Variants in FBXW4 observed in about 807,000 individuals in gnomAD.
The protein encoded by FBXW4 is F-box and WD repeat domain containing 4, also known as F-box/WD repeat-containing protein 4.
Under a neutral mutation model 61.8 loss-of-function variants are expected in FBXW4, and 40 were observed. That is an observed-to-expected ratio of 0.65 (90% CI 0.50 to 0.84). The LOEUF (loss-of-function observed/expected upper bound fraction) is 0.84, where lower values mean the gene tolerates loss of function less well. Ranked by LOEUF, FBXW4 falls within the 40% of genes least tolerant of loss-of-function variation. The pLI, the probability that FBXW4 is intolerant of heterozygous loss-of-function variation, is 0.00. For synonymous variants in FBXW4, 311 were observed against 313.8 expected (o/e 0.99, Z 0.10); for missense variants, 672 against 753.8 (o/e 0.89, Z 1.27).
At chr10:101,674,573 TAGGAAAGGA>T (rs775927111) in intron 2 of FBXW4, among the ~76,000 whole-genome samples, 46 of 152,218 alleles carry the variant, frequency 3.0e-4, no homozygotes, top group Non-Finnish European at 4.9e-4. Flanking sequence ...TGAAGCCATT[TAGGAAAGGA>T]TGCTAATGTA....
chr10:101,641,003 G>A (rs2064047882), intron 5 of FBXW4, among the ~76,000 whole-genome samples: 1 of 151,764 alleles, frequency 6.6e-6, no homozygotes, highest in Admixed American at 6.6e-5. Context: ...GCTAATTTTT[G>A]TATTTTTAGT....
chr10:101,689,810 G>A (rs183941896), intron 1 of FBXW4, among the ~76,000 whole-genome samples: 6 of 152,236 alleles, frequency 3.9e-5, no homozygotes, highest in East Asian at 1.9e-4. Flanking sequence ...CACTCTGGAC[G>A]TTAATCATCA....
intron 5 of FBXW4, among the ~76,000 whole-genome samples, chr10:101,642,473 T>C (rs1374352038): frequency 6.6e-6 from 1 of 151,976 alleles, no homozygotes; most frequent in African/African-American, 2.4e-5. Context: ...GCAGCCACTA[T>C]GCAGAGCCTG....
chr10:101,677,373 T>G (rs1369948229), intron 1 of FBXW4, among the ~76,000 whole-genome samples: 1 of 152,116 alleles, frequency 6.6e-6, no homozygotes, highest in African/African-American at 2.4e-5. Flanking sequence ...CACAACATAA[T>G]GTGGATGAAT....
chr10:101,613,556 C>T (rs1466638301), intron 6 of FBXW4, among the ~76,000 whole-genome samples: 1 of 152,202 alleles, frequency 6.6e-6, no homozygotes, highest in East Asian at 1.9e-4. Flanking sequence ...CTCACCAGCC[C>T]TTTTGGCCCA....
intron 2 of FBXW4, 71 bp downstream of exon 2, chr10:101,676,270 G>T: frequency 7.5e-7 from 1 of 1,340,940 alleles, no homozygotes; most frequent in Non-Finnish European, 1.1e-6. Flanking sequence ...CTCTATGTAG[G>T]ACCAGATTTT....
intron 5 of FBXW4, among the ~76,000 whole-genome samples, chr10:101,635,869 G>A (rs1221101685): frequency 1.3e-5 from 2 of 151,438 alleles, no homozygotes; most frequent in East Asian, 3.9e-4. Flanking sequence ...AGAGATGGAG[G>A]GGCACCCCTC....
At position 101,694,580 on chromosome 10, in the gene FBXW4, G is replaced by A. The variant is rs1477337382; in HGVS notation, c.526C>T (p.Arg176Cys). ...CAGAGCGCAGGCCCCGCGGCCGGGC[G>A]GGCAGCCGACTCCCGAGCCGCCTCC... ...EEEAARESAARPAAGPALWRL... is the reference protein window; with the variant it reads ...EEEAARESAACPAAGPALWRL... Residue 176 changes from arginine to cysteine, a missense_variant, in exon 1 of 9, where the codon CGC becomes TGC. Transcript: ENST00000331272. This position sits in a 1 kb window ranked among gnomAD's most constrained non-coding sequence, Gnocchi z 6.0. The A allele has an allele frequency of 6.8e-7, 1 of 1,463,520 alleles. No homozygotes were observed. The highest frequency in any genetic ancestry group is 9.0e-7 in the Non-Finnish European group (1 of 1,117,236). 90.7% of individuals were successfully genotyped at this position (1,463,520 alleles called of 1,614,324 possible).
In FBXW4 at chr10:101,611,849, T is replaced by C. The variant is rs1325462971; in HGVS notation, c.1443-80A>G. ...CCAGCTTTCTTGGGCCTAGAGTGGC[T>C]GAGGGGAGCGTTAAGGAGCCATTCC... On this transcript the variant is annotated intron_variant, in intron 7 of 8. Transcript: ENST00000331272. The surrounding 1 kb of genome is among the most constrained non-coding windows in gnomAD (Gnocchi z 4.9). 2 of 1,503,644 alleles carry C rather than the reference T, an allele frequency of 1.3e-6. No homozygotes were observed. Among genetic ancestry groups the C allele is most frequent in the South Asian group, 1.3e-5 (1 of 79,610 alleles). The allele number at this position is 1,503,644 out of a possible 1,614,324, so 93.1% of individuals were successfully genotyped here. A position where few individuals can be genotyped will look rare whatever the true frequency, so the allele number is the denominator to read the frequency against.
rs776256121 is a variant in FBXW4, at chr10:101,673,597, G to A, written c.898C>T (p.Arg300Cys). 1.4e-5 allele frequency: 22 copies of A among 1,613,896 alleles called. No individual in the cohort carries two copies. Among genetic ancestry groups the A allele is most frequent in the East Asian group, 4.5e-5 (2 of 44,900 alleles). Residue 300 changes from arginine to cysteine, a missense_variant, in exon 3 of 9, where the codon CGT becomes TGT. Arg to Cys is a radical substitution (Grantham distance 180). Transcript: ENST00000331272. The stretch of plus-strand genomic sequence containing the variant: ...CGATTCAAGCTGGCACCATCTGGAC[G>A]GAACTGGTAGGCCAGGATGAAATTA... ...QANFILAYQF[R>C]PDGASLNRRP...
At chr10:101,676,817 T>C (rs1224915226) in intron 1 of FBXW4, 1 of 149,520 alleles carries the variant, frequency 6.7e-6, no homozygotes, top group Non-Finnish European at 1.5e-5. Flanking sequence ...TCTAAAACTA[T>C]AAAGCTGTCA....
At chr10:101,659,373 G>A in intron 5 of FBXW4, 1 of 985,032 alleles carries the variant, frequency 1.0e-6, no homozygotes, top group Non-Finnish European at 1.2e-6. Flanking sequence ...AAGATGCAGT[G>A]ACTCGTGCAG....
chr10:101,668,029 G>C, intron 4 of FBXW4, 49 bp from the exon 5 acceptor site: 1 of 1,415,904 alleles, frequency 7.1e-7, no homozygotes. Context: ...TGGGATCAGT[G>C]GGGAGGAGAG....
chr10:101,695,206 G>A (rs1400724095), upstream of FBXW4: 89 of 984,956 alleles, frequency 9.0e-5, no homozygotes, highest in Non-Finnish European at 1.0e-4. The surrounding 1 kb of genome is among the most constrained non-coding windows in gnomAD (Gnocchi z 4.2). Flanking sequence ...CACATGGGGC[G>A]GCGCGGGCCG....
intron 6 of FBXW4, among the ~76,000 whole-genome samples, chr10:101,624,261 T>C (rs1161292793): frequency 6.8e-6 from 1 of 146,816 alleles, no homozygotes; most frequent in African/African-American, 2.5e-5. Context: ...TATTTCAAAA[T>C]TAGAAAGTTA....
chr10:101,640,595 G>A (rs188765951), intron 5 of FBXW4, among the ~76,000 whole-genome samples: 18 of 143,550 alleles, frequency 1.3e-4, no homozygotes, highest in Non-Finnish European at 2.1e-4. Flanking sequence ...GGGTTCAAGC[G>A]ATTCTTGTGT....
intron 4 of FBXW4, among the ~76,000 whole-genome samples, chr10:101,668,406 T>A (rs1025235353): frequency 2.6e-5 from 4 of 152,160 alleles, no homozygotes; most frequent in Admixed American, 2.0e-4. Context: ...GATCAAGGCA[T>A]AGTATAGGGG....
chr10:101,688,250 C>A (rs1589784505), intron 1 of FBXW4, among the ~76,000 whole-genome samples: 1 of 152,142 alleles, frequency 6.6e-6, no homozygotes, highest in South Asian at 2.1e-4. Flanking sequence ...CATTTAGTGG[C>A]CTTTGCATGT....
chr10:101,613,724 AAGG>A (rs1164067377), intron 6 of FBXW4, among the ~76,000 whole-genome samples: 1 of 152,182 alleles, frequency 6.6e-6, no homozygotes, highest in African/African-American at 2.4e-5. Context: ...GAAGGAATCA[AAGG>A]AGGAGACTGG....
Sources: gnomAD v4.1 joint callset for allele counts (sites outside exome capture counted in the v4.1 genomes callset) on GRCh38, gnomAD v4.1.1 for gene constraint, Gnocchi (gnomAD v3.1) non-coding constraint, MANE v1.5 for transcripts, NCBI Gene and HGNC (gene_info 2026-07-23, HGNC 2026-07-21) for gene names.